Variants in SDHAF3 observed in about 807,000 individuals in gnomAD.
SDHAF3 encodes the protein succinate dehydrogenase complex assembly factor 3.
A neutral mutation model predicts 11.5 loss-of-function variants in SDHAF3; 18 were observed. The ratio of observed to expected loss-of-function variants is 1.56; its 90% CI spans 1.08 to 2.32. The LOEUF (loss-of-function observed/expected upper bound fraction) is 2.32. SDHAF3 is among the 30% of genes most tolerant of loss of function. SDHAF3 has a pLI of 0.00. For synonymous variants in SDHAF3, 72 were observed against 59.3 expected, an observed-to-expected ratio of 1.21 and a Z score of -0.99; for missense variants, 200 against 154.4, an observed-to-expected ratio of 1.30 and a Z score of -1.57.
At chr7:97,176,724 C>A (rs1419382420) in intron 1 of SDHAF3, among the ~76,000 whole-genome samples, 2 of 152,100 alleles carry the variant, frequency 1.3e-5, no homozygotes, top group Non-Finnish European at 2.9e-5. Flanking sequence ...ATTTCTCACA[C>A]ATGAAATGTA....
rs1428428589 is a variant in SDHAF3 at position 97,181,651 on chromosome 7, G to A, written c.*436G>A. ...ATAATACATACATGATTTTTCTTCT[G>A]AATGTCTCTTCTCCCTGCATCACTG... On this transcript the variant is annotated 3_prime_UTR_variant, in exon 2 of 2. Coordinates refer to ENST00000432641, the MANE Select transcript of SDHAF3 (RefSeq NM_020186.3). 6 of 155,676 alleles carry A rather than the reference G, an allele frequency of 3.9e-5. No homozygotes were observed. The highest frequency in any genetic ancestry group is 7.1e-5 in the Non-Finnish European group (5 of 70,208). 9.6% of individuals were successfully genotyped at this position (155,676 alleles called of 1,614,324 possible).
rs186553912 is a variant in SDHAF3, at chr7:97,164,091, C to T, written c.175-16921C>T. ...TCCCAAGTAGCTGGGATTATAGGCA[C>T]GTGCCACCATGCCTGGCTGTTTTTT... is the stretch of plus-strand genomic sequence containing the variant. On this transcript the variant is annotated intron_variant, in intron 1 of 1. Coordinates refer to ENST00000432641, the MANE Select transcript of SDHAF3 (RefSeq NM_020186.3). Among the ~76,000 whole-genome samples the T allele has an allele frequency of 1.8e-4, 28 of 151,956 alleles. No individual in the cohort carries two copies. In the East Asian group the frequency reaches 5.3e-3, roughly 29 times the overall value.
In SDHAF3 at chr7:97,117,788, TTC is replaced by T. The variant is rs2115601834; in HGVS notation, c.67_68del (p.Leu23AlafsTer17). Reference sequence around the variant, plus strand: ...AAGCGCGTCTTGCAGCTGCACCGTGTTCTGCCCCCGGACCTCAAATCCCTGGG... The same window carrying T: ...AAGCGCGTCTTGCAGCTGCACCGTGTTGCCCCCGGACCTCAAATCCCTGGG... On this transcript the variant is annotated frameshift_variant, in exon 1 of 2. Coordinates refer to ENST00000432641, the MANE Select transcript of SDHAF3 (RefSeq NM_020186.3). LOFTEE classifies it high-confidence loss of function. 6.2e-7 allele frequency: 1 copy of T among 1,614,194 alleles called. No homozygotes were observed. The highest frequency in any genetic ancestry group is 2.2e-5 in the East Asian group (1 of 44,878).
intron 1 of SDHAF3, among the ~76,000 whole-genome samples, chr7:97,178,416 A>C (rs1431861432): frequency 6.6e-6 from 1 of 152,088 alleles, no homozygotes; most frequent in Non-Finnish European, 1.5e-5. Context: ...ATCATATGGT[A>C]ATTCTGTGTT....
chr7:97,144,470 C>G (rs1430719214), intron 1 of SDHAF3, among the ~76,000 whole-genome samples: 1 of 152,108 alleles, frequency 6.6e-6, no homozygotes, highest in East Asian at 1.9e-4. Flanking sequence ...GTCCTTGATC[C>G]ATCTTGAGTT....
At chr7:97,157,379 G>A (rs1175599725) in intron 1 of SDHAF3, among the ~76,000 whole-genome samples, 2 of 151,990 alleles carry the variant, frequency 1.3e-5, no homozygotes, top group African/African-American at 4.8e-5. Context: ...TAGAACCCTG[G>A]GAATCCTTAC....
chr7:97,147,468 A>T (rs1789153429), intron 1 of SDHAF3, among the ~76,000 whole-genome samples: 1 of 152,208 alleles, frequency 6.6e-6, no homozygotes, highest in Non-Finnish European at 1.5e-5. Context: ...AACAAAATGC[A>T]ACCAAAATCT....
intron 1 of SDHAF3, among the ~76,000 whole-genome samples, chr7:97,133,602 T>C (rs28646010): frequency 0.35 from 53,532 of 152,060 alleles, 9,526 homozygotes; most frequent in East Asian, 0.49. Flanking sequence ...GTTGAGGTAT[T>C]ATTGTTACTA....
chr7:97,139,550 C>A (rs11984368), intron 1 of SDHAF3, among the ~76,000 whole-genome samples: 27,946 of 152,168 alleles, frequency 0.18, 2,997 homozygotes, highest in Non-Finnish European at 0.25. Context: ...GAGAGGTTCT[C>A]AATCTGGCCT....
At chr7:97,127,745 T>C (rs4398831) in intron 1 of SDHAF3, among the ~76,000 whole-genome samples, 38,594 of 152,062 alleles carry the variant, frequency 0.25, 5,383 homozygotes, top group Non-Finnish European at 0.31. Context: ...GTTTAGTGAA[T>C]GGATTGTATG....
At position 97,163,290 on chromosome 7, in the gene SDHAF3, C is replaced by T. The variant is rs578201203; in HGVS notation, c.175-17722C>T. On this transcript the variant is annotated intron_variant, in intron 1 of 1. Coordinates refer to ENST00000432641, the MANE Select transcript of SDHAF3 (RefSeq NM_020186.3). ...CCAAGTAGCTGGGATTACAGGCACC[C>T]GCCACCATGCCCAGCTAATTTTTGT... Among the ~76,000 whole-genome samples, 11 of 151,706 alleles carry T rather than the reference C, an allele frequency of 7.3e-5. No homozygotes were observed. In the East Asian group the frequency reaches 1.4e-3, roughly 19 times the overall value.
rs1414337284 is a variant in SDHAF3 at position 97,181,036 on chromosome 7, C to T, written c.199C>T (p.Gln67Ter). The T allele has an allele frequency of 8.7e-6, 14 of 1,613,724 alleles. No individual in the cohort carries two copies. Among genetic ancestry groups the T allele is most frequent in the Non-Finnish European group, 1.1e-5 (13 of 1,179,866 alleles). Residue 67 changes from glutamine (Q) to a stop codon, truncating the protein, a stop_gained, in exon 2 of 2, where the codon CAG becomes TAG. Coordinates refer to ENST00000432641, the MANE Select transcript of SDHAF3 (RefSeq NM_020186.3). LOFTEE classifies it high-confidence loss of function. ...GGTGTATGCAACAGCGTTATTGCAACAGGCTAACGAAAACAGACAAAATTC... is the reference window on the plus strand; with the variant it reads ...GGTGTATGCAACAGCGTTATTGCAATAGGCTAACGAAAACAGACAAAATTC... ...WEVYATALLQ[Q>*]ANENRQNSTG...
intron 1 of SDHAF3, chr7:97,135,417 G>A (rs1791737466): frequency 6.6e-6 from 1 of 151,950 alleles, no homozygotes; most frequent in Non-Finnish European, 1.5e-5. Flanking sequence ...CGTTGTCTCT[G>A]ACCTGCAAGA....
chr7:97,144,577 T>C (rs953877215), intron 1 of SDHAF3, among the ~76,000 whole-genome samples: 13 of 152,206 alleles, frequency 8.5e-5, no homozygotes, highest in African/African-American at 2.7e-4. Context: ...AGTTGTCCTT[T>C]CCCTGCTTTA....
chr7:97,169,801 A>T (rs1198615068), intron 1 of SDHAF3, among the ~76,000 whole-genome samples: 1 of 152,068 alleles, frequency 6.6e-6, no homozygotes, highest in Non-Finnish European at 1.5e-5. Flanking sequence ...TGCGAGTGAA[A>T]TTTTTTGTTC....
chr7:97,130,690 G>A (rs1791656141), intron 1 of SDHAF3, among the ~76,000 whole-genome samples: 1 of 152,190 alleles, frequency 6.6e-6, no homozygotes, highest in Admixed American at 6.5e-5. Context: ...TTCTTGTCCC[G>A]CATCCAGGAA....
intron 1 of SDHAF3, among the ~76,000 whole-genome samples, chr7:97,126,805 G>A (rs1309990341): frequency 1.3e-5 from 2 of 150,550 alleles, no homozygotes; most frequent in African/African-American, 4.9e-5. Context: ...GCAAGTGAAC[G>A]GTTCTGTCTT....
chr7:97,157,941 A>G (rs1789329383), intron 1 of SDHAF3, among the ~76,000 whole-genome samples: 1 of 135,340 alleles, frequency 7.4e-6, no homozygotes, highest in African/African-American at 2.7e-5. Flanking sequence ...AGGAAGGGGA[A>G]CATCACACAC....
chr7:97,123,619 A>G (rs1388989390), intron 1 of SDHAF3, among the ~76,000 whole-genome samples: 1 of 152,176 alleles, frequency 6.6e-6, no homozygotes, highest in African/African-American at 2.4e-5. Context: ...CCAACAGTGT[A>G]AAAGTGTTCC....
Sources: allele counts gnomAD v4.1 joint callset (sites outside exome capture counted in the v4.1 genomes callset), GRCh38; gene constraint gnomAD v4.1.1; transcripts MANE v1.5; gene names NCBI Gene and HGNC (gene_info 2026-07-23, HGNC 2026-07-21).